The following MYOCD variants were observed in gnomAD, a reference collection of about 807,000 sequenced individuals.
The protein encoded by MYOCD is myocardin.
MYOCD carries 32 observed loss-of-function variants against 96.1 expected under a neutral mutation model. That is an observed-to-expected ratio of 0.33 (90% CI 0.25 to 0.45). MYOCD has a LOEUF of 0.45. MYOCD is among the 20% of genes least tolerant of loss of function. MYOCD has a pLI of 1.00. For missense variants in MYOCD, 1,133 were observed against 1,200.6 expected (o/e 0.94, Z 0.83); for synonymous variants, 469 against 469.0 (o/e 1.00, Z 0.00).
intron 2 of MYOCD, among the ~76,000 whole-genome samples, chr17:12,709,628 A>G (rs1370944398): frequency 2.0e-5 from 3 of 152,218 alleles, no homozygotes; most frequent in African/African-American, 7.2e-5. Flanking sequence ...TTTATCTCCA[A>G]AATCTCACCT....
intron 4 of MYOCD, among the ~76,000 whole-genome samples, chr17:12,717,881 T>C (rs1432164541): frequency 3.3e-5 from 5 of 152,206 alleles, no homozygotes; most frequent in Non-Finnish European, 7.3e-5. Context: ...CTGATCAAAG[T>C]AGGCCTAGTT....
Position 12,715,363 on chromosome 17 carries a change from G to C in MYOCD, c.122-156G>C, listed in dbSNP as rs72811294. On this transcript the variant is annotated intron_variant, in intron 2 of 13. Coordinates refer to ENST00000425538, the MANE Select transcript of MYOCD (RefSeq NM_001146312.3). ...GTCTCCTACGGCTTCAGGGCCGCTGGTGTCCTCCAGGCCTGTCCTCTCTCA... is the reference window on the plus strand; with the variant it reads ...GTCTCCTACGGCTTCAGGGCCGCTGCTGTCCTCCAGGCCTGTCCTCTCTCA... 0.13 allele frequency among the ~76,000 whole-genome samples: 19,628 copies of C among 151,994 alleles called. 1,396 individuals carry two copies. The highest frequency in any genetic ancestry group is 0.19 in the African/African-American group (7,948 of 41,410).
At chr17:12,750,423 T>C (rs2032814750) in intron 9 of MYOCD, among the ~76,000 whole-genome samples, 1 of 151,988 alleles carries the variant, frequency 6.6e-6, no homozygotes, top group African/African-American at 2.4e-5. Flanking sequence ...GCGCTATGGC[T>C]CACGCCTGTA....
chr17:12,694,881 CA>C (rs201215491), intron 1 of MYOCD, among the ~76,000 whole-genome samples: 730 of 69,620 alleles, frequency 0.01, 2 homozygotes, highest in African/African-American at 0.026. Flanking sequence ...AAGGAATAAC[CA>C]AAAAAAAAAA....
chr17:12,738,189 G>A (rs752499167), intron 6 of MYOCD, among the ~76,000 whole-genome samples: 16 of 152,142 alleles, frequency 1.1e-4, no homozygotes, highest in East Asian at 5.8e-4. Context: ...CATTTCTCCC[G>A]GCAATCATGT....
chr17:12,738,653 TACAC>T (rs927012438), intron 6 of MYOCD, among the ~76,000 whole-genome samples: 1 of 151,768 alleles, frequency 6.6e-6, no homozygotes, highest in Non-Finnish European at 1.5e-5. Context: ...CACTTGGAGA[TACAC>T]ACACACACTT....
At chr17:12,736,453 C>G in intron 6 of MYOCD, 117 bp downstream of exon 6, 1 of 1,049,962 alleles carries the variant, frequency 9.5e-7, no homozygotes, top group African/African-American at 1.6e-5. Context: ...CAGAGATGTC[C>G]CTGGCTGCCA....
intron 6 of MYOCD, among the ~76,000 whole-genome samples, chr17:12,738,753 C>A (rs201197249): frequency 1.3e-5 from 2 of 152,024 alleles, no homozygotes; most frequent in South Asian, 4.2e-4. Context: ...TTCCTACACT[C>A]ACTCTTCCCT....
At chr17:12,762,731 C>T (rs2033214285) in intron 13 of MYOCD, 2 of 212,248 alleles carry the variant, frequency 9.4e-6, no homozygotes, top group African/African-American at 2.3e-5. Context: ...CAGAAAGTGG[C>T]AATGGCATGG....
intron 5 of MYOCD, among the ~76,000 whole-genome samples, chr17:12,731,805 G>A (rs1199952828): frequency 6.6e-6 from 1 of 152,212 alleles, no homozygotes; most frequent in Non-Finnish European, 1.5e-5. Flanking sequence ...AGGTGTTCAT[G>A]CCAAAAGGAA....
At chr17:12,747,222 A>AG (rs1405672227) in intron 9 of MYOCD, among the ~76,000 whole-genome samples, 1 of 152,230 alleles carries the variant, frequency 6.6e-6, no homozygotes, top group Non-Finnish European at 1.5e-5. Context: ...CTTAAAGCTA[A>AG]GTAACTTATT....
chr17:12,695,967 T>C (rs748711266), intron 1 of MYOCD, among the ~76,000 whole-genome samples: 1 of 152,120 alleles, frequency 6.6e-6, no homozygotes, highest in Non-Finnish European at 1.5e-5. Context: ...TTGGCTTATC[T>C]CACTCAGCAT....
At chr17:12,694,315 T>C (rs28730817) in intron 1 of MYOCD, among the ~76,000 whole-genome samples, 10,222 of 152,050 alleles carry the variant, frequency 0.067, 536 homozygotes, top group Admixed American at 0.14. Context: ...GAGAGCAAGG[T>C]AGCTTCACCA....
chr17:12,730,231 C>A (rs2032129526), intron 5 of MYOCD, among the ~76,000 whole-genome samples: 1 of 151,998 alleles, frequency 6.6e-6, no homozygotes, highest in Non-Finnish European at 1.5e-5. Flanking sequence ...GGTGGATCAC[C>A]TGGGATCAGA....
chr17:12,687,568 CA>C (rs2030193406), intron 1 of MYOCD, among the ~76,000 whole-genome samples: 1 of 152,066 alleles, frequency 6.6e-6, no homozygotes, highest in African/African-American at 2.4e-5. Context: ...CTTCTTTCCC[CA>C]AATGATAACT....
At chr17:12,703,585 C>A (rs2031171437) in intron 1 of MYOCD, among the ~76,000 whole-genome samples, 2 of 152,040 alleles carry the variant, frequency 1.3e-5, no homozygotes, top group Non-Finnish European at 2.9e-5. Context: ...TTTTATGTGA[C>A]ATTAATCTGC....
intron 12 of MYOCD, among the ~76,000 whole-genome samples, chr17:12,759,059 GAAAA>G (rs1392452160): frequency 6.6e-6 from 1 of 151,356 alleles, no homozygotes; most frequent in Admixed American, 6.6e-5. Context: ...AAAAAAAAAA[GAAAA>G]AGAAAAAGAG....
chr17:12,737,757 A>G (rs1597794859), intron 6 of MYOCD, among the ~76,000 whole-genome samples: 1 of 152,300 alleles, frequency 6.6e-6, no homozygotes, highest in East Asian at 1.9e-4. Flanking sequence ...GGGACAGTTA[A>G]AATAATTATC....
intron 1 of MYOCD, among the ~76,000 whole-genome samples, chr17:12,688,625 TTTCCGTCTTCTTCC>T (rs1479931875): frequency 1.3e-5 from 2 of 149,982 alleles, no homozygotes; most frequent in Non-Finnish European, 3.0e-5. Flanking sequence ...TCCTTCCTTC[TTTCCGTCTTCTTCC>T]TTCCATCTTC....
Sources: allele counts gnomAD v4.1 joint callset (sites outside exome capture counted in the v4.1 genomes callset), GRCh38; gene constraint gnomAD v4.1.1; transcripts MANE v1.5; gene names NCBI Gene and HGNC (gene_info 2026-07-23, HGNC 2026-07-21).